Variants in KMT2E observed in about 807,000 individuals in gnomAD.
KMT2E encodes histone reader KMT2E.
Under a neutral mutation model 184.6 loss-of-function variants are expected in KMT2E, and 30 were observed. The observed-to-expected ratio is 0.16, with a 90% confidence interval of 0.12 to 0.22. The LOEUF is 0.22. Ranked by LOEUF, KMT2E falls within the 10% of genes least tolerant of loss-of-function variation. The pLI is 1.00. For missense variants in KMT2E, 2,023 were observed against 2,237.4 expected (o/e 0.90, Z 1.93); for synonymous variants, 815 against 776.5 (o/e 1.05, Z -0.82).
chr7:105,058,774 T>G (rs181161109), intron 3 of KMT2E, among the ~76,000 whole-genome samples: 32 of 152,322 alleles, frequency 2.1e-4, no homozygotes, highest in African/African-American at 6.7e-4. Context: ...TAATTGCAGT[T>G]TATTTTTGAC....
At chr7:105,050,676 TC>T (rs1422749106) in intron 3 of KMT2E, among the ~76,000 whole-genome samples, 3 of 151,880 alleles carry the variant, frequency 2.0e-5, no homozygotes, top group African/African-American at 7.3e-5. Flanking sequence ...TTTCTTTCTT[TC>T]TTTCTTTCTT....
intron 1 of KMT2E, among the ~76,000 whole-genome samples, chr7:105,031,029 G>A (rs1244881339): frequency 2.0e-5 from 3 of 152,104 alleles, no homozygotes; most frequent in Non-Finnish European, 4.4e-5. Context: ...GAGATAGAAG[G>A]AGAGTGAGGA....
intron 13 of KMT2E, among the ~76,000 whole-genome samples, chr7:105,089,017 T>C (rs1328066804): frequency 6.6e-6 from 1 of 152,246 alleles, no homozygotes; most frequent in Non-Finnish European, 1.5e-5. Context: ...CAGTTCAGTA[T>C]TTTATAAAGC....
At chr7:105,079,675 C>T (rs1426338887) in intron 12 of KMT2E, among the ~76,000 whole-genome samples, 4 of 151,226 alleles carry the variant, frequency 2.6e-5, no homozygotes, top group Non-Finnish European at 4.4e-5. Context: ...CAGGCGTGTG[C>T]AACCATGCCC....
intron 21 of KMT2E, 46 bp downstream of exon 21, chr7:105,107,268 T>C (rs1227757141): frequency 1.3e-6 from 2 of 1,499,076 alleles, no homozygotes; most frequent in Non-Finnish European, 1.8e-6. Flanking sequence ...TTTTTTCCTA[T>C]TACATTGTTT....
intron 3 of KMT2E, among the ~76,000 whole-genome samples, chr7:105,053,513 A>C (rs984471942): frequency 6.6e-6 from 1 of 152,178 alleles, no homozygotes; most frequent in Non-Finnish European, 1.5e-5. Context: ...TCAACTCTAA[A>C]GTCTATATAA....
At chr7:105,054,152 CAG>C (rs1796463314) in intron 3 of KMT2E, among the ~76,000 whole-genome samples, 2 of 150,828 alleles carry the variant, frequency 1.3e-5, no homozygotes, top group African/African-American at 4.9e-5. Context: ...GCCTGGGTGA[CAG>C]AGCAAGACTC....
chr7:105,069,930 C>G (rs557557845), intron 6 of KMT2E, among the ~76,000 whole-genome samples: 10 of 152,246 alleles, frequency 6.6e-5, no homozygotes, highest in African/African-American at 2.4e-4. Flanking sequence ...CTTCATTTGA[C>G]CCAGTATGTG....
intron 6 of KMT2E, among the ~76,000 whole-genome samples, chr7:105,072,582 T>G (rs891751920): frequency 3.3e-5 from 5 of 152,172 alleles, no homozygotes; most frequent in African/African-American, 1.2e-4. Flanking sequence ...AGAATTACTA[T>G]GGATGATGTA....
intron 15 of KMT2E, among the ~76,000 whole-genome samples, chr7:105,098,707 A>AT (rs967247734): frequency 9.9e-5 from 15 of 151,872 alleles, no homozygotes; most frequent in Non-Finnish European, 1.8e-4. Flanking sequence ...CCCAGCCTAA[A>AT]TTTTTTTGTG....
intron 1 of KMT2E, among the ~76,000 whole-genome samples, chr7:105,023,834 AAGG>A (rs1795061732): frequency 6.6e-6 from 1 of 152,182 alleles, no homozygotes. Flanking sequence ...TGCTTTTTAA[AAGG>A]GGGTTGGTGA....
intron 3 of KMT2E, among the ~76,000 whole-genome samples, chr7:105,046,837 T>G (rs1010280598): frequency 1.3e-5 from 2 of 152,206 alleles, no homozygotes; most frequent in African/African-American, 4.8e-5. Flanking sequence ...ACAATACAGT[T>G]TAACAAAATT....
At chr7:105,080,183 T>C (rs1423905956) in intron 12 of KMT2E, among the ~76,000 whole-genome samples, 1 of 152,164 alleles carries the variant, frequency 6.6e-6, no homozygotes, top group Non-Finnish European at 1.5e-5. Flanking sequence ...TTGGAAGCTC[T>C]ATTTATGGCT....
intron 13 of KMT2E, among the ~76,000 whole-genome samples, chr7:105,089,016 A>G (rs1233598691): frequency 1.3e-5 from 2 of 152,220 alleles, no homozygotes; most frequent in African/African-American, 2.4e-5. Context: ...TCAGTTCAGT[A>G]TTTTATAAAG....
At chr7:105,042,707 A>G (rs1271662006) in intron 3 of KMT2E, among the ~76,000 whole-genome samples, 1 of 152,240 alleles carries the variant, frequency 6.6e-6, no homozygotes, top group African/African-American at 2.4e-5. Context: ...GACAATTGTC[A>G]TACCAAACTT....
intron 9 of KMT2E, 73 bp from the exon 10 acceptor site, chr7:105,076,890 G>C (rs1797550008): frequency 5.5e-6 from 4 of 723,868 alleles, no homozygotes; most frequent in Non-Finnish European, 4.8e-6. Flanking sequence ...GTGTGTGTGT[G>C]TGTGTGTGTG....
At chr7:105,096,512 C>T (rs993578866) in intron 15 of KMT2E, among the ~76,000 whole-genome samples, 5 of 152,044 alleles carry the variant, frequency 3.3e-5, no homozygotes, top group Non-Finnish European at 5.9e-5. Flanking sequence ...AAGGAAGTCA[C>T]GTAGGCAAGA....
intron 15 of KMT2E, among the ~76,000 whole-genome samples, chr7:105,099,526 T>C (rs1341568276): frequency 6.6e-6 from 1 of 152,188 alleles, no homozygotes; most frequent in African/African-American, 2.4e-5. Flanking sequence ...AATGTTTATA[T>C]CATATAGTTT....
At chr7:105,063,266 A>T in intron 4 of KMT2E, 85 bp from the exon 5 acceptor site, 1 of 958,894 alleles carries the variant, frequency 1.0e-6, no homozygotes, top group Non-Finnish European at 1.5e-6. Flanking sequence ...ATTGAAATTA[A>T]GGGTTGAATT....
Sources: allele counts gnomAD v4.1 joint callset (sites outside exome capture counted in the v4.1 genomes callset), GRCh38; gene constraint gnomAD v4.1.1; transcripts MANE v1.5; gene names NCBI Gene and HGNC (gene_info 2026-07-23, HGNC 2026-07-21).